Variants in ASTN2 observed in about 807,000 individuals in gnomAD.
ASTN2 encodes astrotactin 2, also known as astrotactin-2.
ASTN2 carries 54 observed loss-of-function variants against 139.8 expected under a neutral mutation model. That is an observed-to-expected ratio of 0.39 (90% CI 0.31 to 0.48). The LOEUF (loss-of-function observed/expected upper bound fraction) is 0.48, where lower values mean the gene tolerates loss of function less well. Ranked by LOEUF, ASTN2 falls within the 20% of genes least tolerant of loss-of-function variation. The probability of loss-of-function intolerance (pLI) is 0.95; values close to 1 mark genes in which losing one functional copy is unlikely to be tolerated. For synonymous variants in ASTN2, 756 were observed against 719.5 expected (o/e 1.05, Z -0.81); for missense variants, 1,565 against 1,725.1 (o/e 0.91, Z 1.64).
At chr9:116,817,365 C>T (rs1831360730) in intron 12 of ASTN2, among the ~76,000 whole-genome samples, 1 of 151,910 alleles carries the variant, frequency 6.6e-6, no homozygotes, top group Non-Finnish European at 1.5e-5. Flanking sequence ...TAACTCACAC[C>T]TGATGCCTCT....
chr9:116,635,617 A>T (rs1427128860), intron 17 of ASTN2, among the ~76,000 whole-genome samples: 1 of 152,188 alleles, frequency 6.6e-6, no homozygotes, highest in Non-Finnish European at 1.5e-5. Flanking sequence ...GAAGAGCTTC[A>T]CTAACATGTA....
intron 2 of ASTN2, among the ~76,000 whole-genome samples, chr9:117,256,349 C>T (rs1214009221): frequency 6.6e-6 from 1 of 152,196 alleles, no homozygotes; most frequent in East Asian, 1.9e-4. Context: ...AGAAATGCCA[C>T]TCTGAGGGTG....
At chr9:117,065,399 G>C (rs959355778) in intron 5 of ASTN2, among the ~76,000 whole-genome samples, 2 of 152,092 alleles carry the variant, frequency 1.3e-5, no homozygotes, top group African/African-American at 4.8e-5. Flanking sequence ...TCGAGACTCA[G>C]TATTAGTATA....
At chr9:116,671,633 T>C (rs1338201432) in intron 16 of ASTN2, among the ~76,000 whole-genome samples, 1 of 152,112 alleles carries the variant, frequency 6.6e-6, no homozygotes, top group African/African-American at 2.4e-5. Flanking sequence ...AGGATGCCAC[T>C]TCTGTGATTA....
At chr9:116,671,184 A>G (rs1008983586) in intron 16 of ASTN2, among the ~76,000 whole-genome samples, 1 of 152,188 alleles carries the variant, frequency 6.6e-6, no homozygotes, top group African/African-American at 2.4e-5. Flanking sequence ...GAATACCTAG[A>G]ATTATTATAG....
intron 1 of ASTN2, among the ~76,000 whole-genome samples, chr9:117,305,019 G>A (rs771231527): frequency 1.2e-4 from 19 of 152,172 alleles, no homozygotes; most frequent in East Asian, 1.9e-4. Flanking sequence ...GCCCCTCTCC[G>A]ATGGGGTCAG....
intron 5 of ASTN2, among the ~76,000 whole-genome samples, chr9:117,090,352 G>T (rs1237109421): frequency 6.6e-6 from 1 of 152,060 alleles, no homozygotes; most frequent in East Asian, 1.9e-4. Context: ...CCATCCCTTT[G>T]CCTTTTTCTC....
chr9:116,543,344 G>A (rs1424104475), intron 19 of ASTN2, among the ~76,000 whole-genome samples: 1 of 151,618 alleles, frequency 6.6e-6, no homozygotes, highest in African/African-American at 2.4e-5. Flanking sequence ...GGCTGAGGTG[G>A]GAGGATCACC....
intron 4 of ASTN2, among the ~76,000 whole-genome samples, chr9:117,106,834 G>A (rs972430043): frequency 6.6e-6 from 1 of 151,950 alleles, no homozygotes; most frequent in African/African-American, 2.4e-5. Flanking sequence ...ATTTATTTAT[G>A]CTAGGAATAC....
At chr9:116,426,413 C>T (rs997949981) in intron 22 of ASTN2, among the ~76,000 whole-genome samples, 4 of 152,152 alleles carry the variant, frequency 2.6e-5, no homozygotes, top group African/African-American at 9.7e-5. Context: ...TAAAAAGCAA[C>T]AAGAACAACC....
At position 117,096,070 on chromosome 9, in the gene ASTN2, T is replaced by A. The variant is rs1428411278; in HGVS notation, c.1250A>T (p.Gln417Leu). The A allele has an allele frequency of 6.2e-7, 1 of 1,614,098 alleles. No individual in the cohort carries two copies. The highest frequency in any genetic ancestry group is 1.1e-5 in the South Asian group (1 of 91,080). Residue 417 changes from glutamine (Q) to leucine (L), a missense_variant, in exon 5 of 23, where the codon CAG becomes CTG. Gln to Leu is a moderately radical substitution (Grantham distance 113). Coordinates refer to ENST00000313400, the MANE Select transcript of ASTN2 (RefSeq NM_001365068.1). The part of the protein sequence containing the change: ...DETQLTFYTE[Q>L]YRSRRRSKGL... ...TTTGCTGCGGCGGCGACTGCGGTAC[T>A]GCTCCGTGTAGAATGTCAGCTGAGT... is the stretch of plus-strand genomic sequence containing the variant.
rs760938167 is a variant in ASTN2, at chr9:116,863,606, G to T, written c.2017C>A (p.Gln673Lys). The change falls in exon 11 of 23, where the codon CAG (glutamine) becomes AAG (lysine). Residue 673 changes from glutamine (Q) to lysine (K), a missense_variant. Gln to Lys is a moderately conservative substitution (Grantham distance 53). Coordinates refer to ENST00000313400, the MANE Select transcript of ASTN2 (RefSeq NM_001365068.1). Reference sequence around the variant, plus strand: ...ACCACACATCCCGAGGAATCCACCTGCCGGTCAGACACACACTTGAAGTTG... The same window carrying T: ...ACCACACATCCCGAGGAATCCACCTTCCGGTCAGACACACACTTGAAGTTG... ...TRNFKCVSDR[Q>K]VDSSGCVCPE... 6.2e-7 allele frequency: 1 copy of T among 1,614,146 alleles called. No individual in the cohort carries two copies. Among genetic ancestry groups the T allele is most frequent in the Non-Finnish European group, 8.5e-7 (1 of 1,180,014 alleles).
chr9:116,927,586 G>A (rs1834790028), intron 10 of ASTN2, among the ~76,000 whole-genome samples: 2 of 152,110 alleles, frequency 1.3e-5, no homozygotes, highest in South Asian at 4.1e-4. Flanking sequence ...CACAGTGAAT[G>A]GATTATAGTT....
At chr9:116,907,815 A>G (rs1834204157) in intron 10 of ASTN2, among the ~76,000 whole-genome samples, 1 of 152,148 alleles carries the variant, frequency 6.6e-6, no homozygotes, top group Admixed American at 6.5e-5. Flanking sequence ...GGAAAATCCT[A>G]TGCTGCAGGA....
chr9:116,846,941 C>G (rs926411732), intron 11 of ASTN2, among the ~76,000 whole-genome samples: 2 of 129,792 alleles, frequency 1.5e-5, no homozygotes, highest in African/African-American at 5.8e-5. Context: ...AGCAAGGGTT[C>G]AGTTCAACAA....
In ASTN2 at chr9:117,313,081, C is replaced by T. The variant is rs1447245233; in HGVS notation, c.443-21568G>A. ...AGGAAATAATGCCAGAATTTAGGAA[C>T]CCACGTTCAGAATCCTCACTCATTA... On this transcript the variant is annotated intron_variant, in intron 1 of 22. Coordinates refer to ENST00000313400, the MANE Select transcript of ASTN2 (RefSeq NM_001365068.1). 2.0e-5 allele frequency among the ~76,000 whole-genome samples: 3 copies of T among 152,190 alleles called. No homozygotes were observed. In the East Asian group the frequency reaches 5.8e-4, roughly 29 times the overall value.
rs143073704 is a variant in ASTN2 at position 117,119,127 on chromosome 9, G to T, written c.1168+22199C>A. ...CTTGTTGAATGAATGAATAGATAAT[G>T]CACAGAAAAATTTAAAGCTAAACAG... On this transcript the variant is annotated intron_variant, in intron 4 of 22. Coordinates refer to ENST00000313400, the MANE Select transcript of ASTN2 (RefSeq NM_001365068.1). Among the ~76,000 whole-genome samples the T allele has an allele frequency of 2.0e-4, 31 of 152,222 alleles. No individual in the cohort carries two copies. The East Asian group carries it at 6.0e-3, about 29-fold the overall frequency.
At chr9:116,470,719 AT>A (rs1332887161) in intron 20 of ASTN2, among the ~76,000 whole-genome samples, 3 of 152,226 alleles carry the variant, frequency 2.0e-5, no homozygotes, top group African/African-American at 7.2e-5. Flanking sequence ...AAGAAAGCAT[AT>A]TCATATTGTG....
intron 7 of ASTN2, among the ~76,000 whole-genome samples, chr9:116,991,022 A>G (rs1836836190): frequency 6.6e-6 from 1 of 152,102 alleles, no homozygotes; most frequent in Admixed American, 6.6e-5. Context: ...CCATACTCCA[A>G]CTGCCCATCA....
Sources: allele counts gnomAD v4.1 joint callset (sites outside exome capture counted in the v4.1 genomes callset), GRCh38; gene constraint gnomAD v4.1.1; transcripts MANE v1.5; gene names NCBI Gene and HGNC (gene_info 2026-07-23, HGNC 2026-07-21).